The following NLGN1 variants were observed in gnomAD, a reference collection of about 807,000 sequenced individuals.
NLGN1 encodes the protein neuroligin-1.
Under a neutral mutation model 65.5 loss-of-function variants are expected in NLGN1, and 12 were observed. The ratio of observed to expected loss-of-function variants is 0.18; its 90% CI spans 0.12 to 0.30. The LOEUF is 0.30. NLGN1 is among the 10% of genes least tolerant of loss of function. The pLI, the probability that NLGN1 is intolerant of heterozygous loss-of-function variation, is 1.00. For missense variants in NLGN1, 750 were observed against 1,007.1 expected (o/e 0.74, Z 3.46); for synonymous variants, 350 against 359.5 (o/e 0.97, Z 0.30).
chr3:173,962,930 G>A (rs1209214710), intron 4 of NLGN1, among the ~76,000 whole-genome samples: 4 of 152,054 alleles, frequency 2.6e-5, no homozygotes, highest in African/African-American at 9.7e-5. Context: ...TGCTAATTTA[G>A]TAAATCAGAT....
chr3:173,869,657 C>G (rs1730806919), intron 4 of NLGN1, among the ~76,000 whole-genome samples: 1 of 151,766 alleles, frequency 6.6e-6, no homozygotes, highest in South Asian at 2.1e-4. Flanking sequence ...CAATGTAAAC[C>G]CAGTCTTCTT....
At chr3:173,625,304 A>G (rs1044628507) in intron 3 of NLGN1, among the ~76,000 whole-genome samples, 1 of 152,044 alleles carries the variant, frequency 6.6e-6, no homozygotes, top group Non-Finnish European at 1.5e-5. Context: ...ATGTGTGTGT[A>G]AGTATTTTAT....
intron 3 of NLGN1, among the ~76,000 whole-genome samples, chr3:173,708,295 G>A (rs78187794): frequency 0.054 from 8,264 of 152,180 alleles, 232 homozygotes; most frequent in South Asian, 0.075. Context: ...TCCTGCATCC[G>A]ACCTTGGCTG....
chr3:173,598,125 G>GGGTT (rs1749806719), intron 2 of NLGN1, among the ~76,000 whole-genome samples: 1 of 151,978 alleles, frequency 6.6e-6, no homozygotes, highest in Admixed American at 6.6e-5. Context: ...TGTTTTTTAA[G>GGGTT]GGTTACTTTA....
chr3:173,639,750 G>T (rs1299583053), intron 3 of NLGN1, among the ~76,000 whole-genome samples: 1 of 152,190 alleles, frequency 6.6e-6, no homozygotes, highest in Admixed American at 6.5e-5. Flanking sequence ...TGGAAGCCCA[G>T]GATCTGGTTA....
intron 4 of NLGN1, among the ~76,000 whole-genome samples, chr3:174,252,013 G>C (rs2152843649): frequency 6.6e-6 from 1 of 152,026 alleles, no homozygotes; most frequent in South Asian, 2.1e-4. Context: ...TTTTTCTCAA[G>C]GTAGATAGAA....
intron 4 of NLGN1, among the ~76,000 whole-genome samples, chr3:174,005,804 C>T (rs1466642699): frequency 6.6e-6 from 1 of 151,838 alleles, no homozygotes; most frequent in Admixed American, 6.6e-5. Context: ...TATTTACTAG[C>T]TATGTAACAG....
intron 3 of NLGN1, among the ~76,000 whole-genome samples, chr3:173,631,849 G>C (rs753644692): frequency 6.6e-6 from 1 of 151,646 alleles, no homozygotes; most frequent in Non-Finnish European, 1.5e-5. Flanking sequence ...TTAAGTTTTG[G>C]GTGAAAATTA....
At chr3:173,877,964 T>C (rs966476123) in intron 4 of NLGN1, among the ~76,000 whole-genome samples, 3 of 152,220 alleles carry the variant, frequency 2.0e-5, no homozygotes, top group African/African-American at 7.2e-5. Flanking sequence ...TACTGTTATA[T>C]GGTCTTCAAA....
At position 174,265,333 on chromosome 3, in the gene NLGN1, C is replaced by T. The variant is rs1016709109; in HGVS notation, c.647-9982C>T. On this transcript the variant is annotated intron_variant, in intron 4 of 6. Transcript: ENST00000457714. Reference sequence around the variant, plus strand: ...ACTGCTGTGCTAGCAATCAGTGAGACTCCGTGGGCGTAGGACCCTCCGAGC... The same window carrying T: ...ACTGCTGTGCTAGCAATCAGTGAGATTCCGTGGGCGTAGGACCCTCCGAGC... Among the ~76,000 whole-genome samples, 63 of 152,112 alleles carry T rather than the reference C, an allele frequency of 4.1e-4. 1 individual carries two copies. The highest frequency in any genetic ancestry group is 1.2e-3 in the African/African-American group (51 of 41,506).
Position 174,275,406 on chromosome 3 carries a change from A to ATTCT in NLGN1, c.741_744dup (p.Gly249LeufsTer4). The ATTCT allele has an allele frequency of 1.2e-6, 2 of 1,612,548 alleles. No homozygotes were observed. Among genetic ancestry groups the ATTCT allele is most frequent in the Non-Finnish European group, 1.7e-6 (2 of 1,178,976 alleles). Reference sequence around the variant, plus strand: ...TAAGATGGACTAGTGAAAACATTGGATTCTTTGGTGGTGACCCCTTAAGAA... The same window carrying ATTCT: ...TAAGATGGACTAGTGAAAACATTGGATTCTTTCTTTGGTGGTGACCCCTTAAGAA... On this transcript the variant is annotated frameshift_variant, in exon 5 of 7. Transcript: ENST00000457714. LOFTEE classifies it high-confidence loss of function.
intron 4 of NLGN1, among the ~76,000 whole-genome samples, chr3:173,933,900 G>A (rs1330982800): frequency 6.6e-6 from 1 of 151,882 alleles, no homozygotes; most frequent in East Asian, 1.9e-4. Flanking sequence ...ATATCTGTCA[G>A]ATCACAGTCC....
intron 4 of NLGN1, among the ~76,000 whole-genome samples, chr3:174,211,981 G>A (rs945678916): frequency 1.3e-5 from 2 of 152,192 alleles, no homozygotes; most frequent in Admixed American, 6.5e-5. Flanking sequence ...GTACTCCTCA[G>A]CCCTTGGGTG....
rs543527151 is a variant in NLGN1, at chr3:173,856,240, G to C, written c.646+48408G>C. On this transcript the variant is annotated intron_variant, in intron 4 of 6. Coordinates refer to ENST00000457714, the Ensembl canonical transcript of NLGN1. ...TGCAACATGTTCAGGCTTTTGCAGTGGTAGTAATAGAAATATTGCTAATAA... is the reference window on the plus strand; with the variant it reads ...TGCAACATGTTCAGGCTTTTGCAGTCGTAGTAATAGAAATATTGCTAATAA... Among the ~76,000 whole-genome samples, 3 of 150,208 alleles carry C rather than the reference G, an allele frequency of 2.0e-5. No individual in the cohort carries two copies. The Middle Eastern group carries it at 0.01, about 514-fold the overall frequency.
intron 3 of NLGN1, among the ~76,000 whole-genome samples, chr3:173,731,229 G>A (rs1772789891): frequency 6.6e-6 from 1 of 151,968 alleles, no homozygotes; most frequent in South Asian, 2.1e-4. Flanking sequence ...TTTTATTCTT[G>A]AGTTCTGATA....
chr3:174,221,041 A>G (rs1307870123), intron 4 of NLGN1, among the ~76,000 whole-genome samples: 4 of 152,226 alleles, frequency 2.6e-5, no homozygotes, highest in African/African-American at 9.6e-5. Flanking sequence ...TTAGAACTGC[A>G]GGGAGTTGGT....
At chr3:173,471,268 A>C (rs1406043186) in intron 2 of NLGN1, among the ~76,000 whole-genome samples, 1 of 152,014 alleles carries the variant, frequency 6.6e-6, no homozygotes, top group African/African-American at 2.4e-5. Context: ...TTAGCAACAA[A>C]ATTTTTTTGT....
intron 3 of NLGN1, among the ~76,000 whole-genome samples, chr3:173,613,772 C>G (rs969753802): frequency 2.0e-5 from 3 of 151,990 alleles, no homozygotes; most frequent in African/African-American, 7.2e-5. Flanking sequence ...GCAATTTAAG[C>G]ATAGCTCATA....
In NLGN1 at chr3:173,783,284, G is replaced by T. The variant is rs555269224; in HGVS notation, c.494-24396G>T. Among the ~76,000 whole-genome samples the T allele has an allele frequency of 3.3e-5, 5 of 152,308 alleles. 1 individual carries two copies. The South Asian group carries it at 1.0e-3, about 32-fold the overall frequency. ...TGAGAAAAACATTCAAAAATCCATA[G>T]TTGAGGCAGCAAAATGCTGTGAAAA... On this transcript the variant is annotated intron_variant, in intron 3 of 6. Coordinates refer to ENST00000457714, the Ensembl canonical transcript of NLGN1.
Sources: gnomAD v4.1 joint callset for allele counts (sites outside exome capture counted in the v4.1 genomes callset) on GRCh38, gnomAD v4.1.1 for gene constraint, MANE v1.5 for transcripts, NCBI Gene and HGNC (gene_info 2026-07-23, HGNC 2026-07-21) for gene names.